The following EML3 variants were observed in gnomAD, a reference collection of about 807,000 sequenced individuals.
The protein encoded by EML3 is echinoderm microtubule-associated protein-like 3.
A neutral mutation model predicts 106.7 loss-of-function variants in EML3; 53 were observed. That is an observed-to-expected ratio of 0.50 (90% confidence interval 0.40 to 0.62). The LOEUF is 0.62. EML3 is among the 20% of genes least tolerant of loss of function. The pLI, the probability that EML3 is intolerant of heterozygous loss-of-function variation, is 0.00. For synonymous variants in EML3, 499 were observed against 489.6 expected (o/e 1.02, Z -0.25); for missense variants, 994 against 1,209.1 (o/e 0.82, Z 2.64).
chr11:62,602,722 C>T (rs771432484), intron 21 of EML3, 37 bp downstream of exon 21: 3 of 1,602,598 alleles, frequency 1.9e-6, no homozygotes, highest in Non-Finnish European at 2.6e-6. Flanking sequence ...AGCCCTCGGG[C>T]CCACCGGTCC....
chr11:62,607,547 A>T, intron 11 of EML3, 119 bp downstream of exon 11: 1 of 1,277,894 alleles, frequency 7.8e-7, no homozygotes, highest in Non-Finnish European at 1.1e-6. Flanking sequence ...CAAAAGAAAA[A>T]AAAAAAAAGG....
chr11:62,604,672 T>C, intron 16 of EML3: 1 of 206,078 alleles, frequency 4.9e-6, no homozygotes, highest in Non-Finnish European at 1.0e-5. Context: ...CCACCGCACC[T>C]GGCCACCACT....
rs2134385486 is a variant in EML3 at position 62,608,556 on chromosome 11, C to T, written c.1096G>A (p.Ala366Thr). The change falls in exon 9 of 22, where the codon GCC becomes ACC. Residue 366 changes from alanine (A) to threonine (T), a missense_variant. Around this residue, in one of 3 missense-constraint regions of EML3, gnomAD observed 713 missense variants for 920.5 expected, o/e 0.77. Transcript: ENST00000394773. Reference sequence around the variant, plus strand: ...GGCCAGCTCACCGCAGCTGAAAAGGCCAGGGCCCCAACACCCCGCTCGAAG... The same window carrying T: ...GGCCAGCTCACCGCAGCTGAAAAGGTCAGGGCCCCAACACCCCGCTCGAAG... ...GAFERGVGALAFSAADQGAFL... is the reference protein window; with the variant it reads ...GAFERGVGALTFSAADQGAFL... 6.2e-7 allele frequency: 1 copy of T among 1,613,882 alleles called. No homozygotes were observed. The highest frequency in any genetic ancestry group is 1.1e-5 in the South Asian group (1 of 91,078).
rs1053058670 is a variant in EML3 at position 62,607,045 on chromosome 11, T to C, written c.1417A>G (p.Ile473Val). ...PCFVFLPDGD[I>V]LTGDSEGNIL... is the part of the protein sequence containing the mutation. ...TTCCCCTCTGAGTCTCCAGTGAGAA[T>C]GTCTCCATCCGGAAGGAACACAAAG... Residue 473 changes from isoleucine (I) to valine (V), a missense_variant, in exon 12 of 22, where the codon ATT becomes GTT. By Grantham distance (29) the Ile-to-Val change is conservative. Transcript: ENST00000394773. 4.3e-6 allele frequency: 7 copies of C among 1,614,014 alleles called. No homozygotes were observed. Among genetic ancestry groups the C allele is most frequent in the Non-Finnish European group, 5.9e-6 (7 of 1,180,010 alleles).
At chr11:62,607,275 C>T in intron 11 of EML3, 176 bp from the exon 12 acceptor site, 1 of 664,754 alleles carries the variant, frequency 1.5e-6, no homozygotes, top group South Asian at 2.1e-5. Flanking sequence ...TGGTGAAATC[C>T]CGCACTGCAC....
At position 62,609,697 on chromosome 11, in the gene EML3, C is replaced by A; in HGVS notation, c.567-1G>T. ...GGAGAGGGGGTCTTTTCCCCCACGG[C>A]TGTTGGGAAGAGAGAAAGCACAGGG... On this transcript the variant is annotated splice_acceptor_variant, in intron 4 of 21. Coordinates refer to ENST00000394773, the MANE Select transcript of EML3 (RefSeq NM_153265.3). LOFTEE classifies it high-confidence loss of function. 1 of 1,597,060 alleles carries A rather than the reference C, an allele frequency of 6.3e-7. No individual in the cohort carries two copies. Among genetic ancestry groups the A allele is most frequent in the East Asian group, 2.3e-5 (1 of 44,202 alleles).
chr11:62,604,350 T>A (rs1942407244), intron 16 of EML3, 149 bp from the exon 17 acceptor site: 1 of 640,912 alleles, frequency 1.6e-6, no homozygotes. Context: ...AGAAGACAGG[T>A]CACAACTGCA....
Position 62,604,100 on chromosome 11 carries a change from G to T in EML3, c.2071+13C>A. 2 of 1,614,040 alleles carry T rather than the reference G, an allele frequency of 1.2e-6. No homozygotes were observed. The highest frequency in any genetic ancestry group is 1.7e-6 in the Non-Finnish European group (2 of 1,179,984). Reference sequence around the variant, plus strand: ...AGGGACGCATGTGAGTCCAGGGTTGGGGTGGCTCCCACCTGGGCTGTACCG... The same window carrying T: ...AGGGACGCATGTGAGTCCAGGGTTGTGGTGGCTCCCACCTGGGCTGTACCG... On this transcript the variant is annotated intron_variant, in intron 17 of 21. Transcript: ENST00000394773.
rs572675623 is a variant in EML3 at position 62,605,190 on chromosome 11, G to C, written c.1915-10C>G. ...CACAGAGACCAGTCTCCTGGGAGAG[G>C]GGAGAAGGTGAATTCAAGATGATGT... On this transcript the variant is annotated splice_polypyrimidine_tract_variant and intron_variant, in intron 15 of 21. Coordinates refer to ENST00000394773, the MANE Select transcript of EML3 (RefSeq NM_153265.3). The surrounding 1 kb of genome is among the most constrained non-coding windows in gnomAD (Gnocchi z 5.2). 2 of 1,611,410 alleles carry C rather than the reference G, an allele frequency of 1.2e-6. No individual in the cohort carries two copies. The highest frequency in any genetic ancestry group is 1.1e-5 in the South Asian group (1 of 90,832).
Position 62,602,682 on chromosome 11 carries a change from G to A in EML3, c.2488-4C>T, listed in dbSNP as rs775079067. On this transcript the variant is annotated splice_polypyrimidine_tract_variant and splice_region_variant and intron_variant, in intron 21 of 21. Coordinates refer to ENST00000394773, the MANE Select transcript of EML3 (RefSeq NM_153265.3). Reference sequence around the variant, plus strand: ...CCCCGTACATGCGGCTCGGCGCCTGGGCCGGAGGGAAGAGTTGCGGTGGCG... The same window carrying A: ...CCCCGTACATGCGGCTCGGCGCCTGAGCCGGAGGGAAGAGTTGCGGTGGCG... The A allele has an allele frequency of 3.1e-6, 5 of 1,598,284 alleles. No homozygotes were observed. In the South Asian group the frequency reaches 4.5e-5, roughly 14 times the overall value.
In EML3 at chr11:62,608,310, A is replaced by T; in HGVS notation, c.1111-14T>A. ...GGCACCCTGATCCTGAAGAAGGGTG[A>T]CACATAGGAGGTGCAGAGTGAACCC... On this transcript the variant is annotated splice_polypyrimidine_tract_variant and intron_variant, in intron 9 of 21. Coordinates refer to ENST00000394773, the MANE Select transcript of EML3 (RefSeq NM_153265.3). The T allele has an allele frequency of 6.2e-7, 1 of 1,609,846 alleles. No individual in the cohort carries two copies. The highest frequency in any genetic ancestry group is 1.3e-5 in the African/African-American group (1 of 74,966).
At position 62,611,865 on chromosome 11, in the gene EML3, G is replaced by A. The variant is rs1193067549; in HGVS notation, c.23-269C>T. 5 of 523,188 alleles carry A rather than the reference G, an allele frequency of 9.6e-6. No individual in the cohort carries two copies. The Admixed American group carries it at 1.1e-4, about 12-fold the overall frequency. The allele number at this position is 523,188 out of a possible 1,614,324, so 32.4% of individuals were successfully genotyped here. On this transcript the variant is annotated intron_variant, in intron 1 of 21. Transcript: ENST00000394773. ...TGGGAGTACCATGGAGTACCGGGGG[G>A]GAAATATGGAGTACTGCCGAGGAAC...
chr11:62,602,234 T>TTTA lies in EML3; in HGVS notation c.*238_*240dup. 6.5e-7 allele frequency: 1 copy of TTTA among 1,535,750 alleles called. No individual in the cohort carries two copies. The highest frequency in any genetic ancestry group is 8.8e-7 in the Non-Finnish European group (1 of 1,138,692). On this transcript the variant is annotated 3_prime_UTR_variant, in exon 22 of 22. Coordinates refer to ENST00000394773, the MANE Select transcript of EML3 (RefSeq NM_153265.3). ...CACCGGGAGGCGACTTTGGTTCTGG[T>TTTA]TTATTGCCCCTCAGCAGGCAGCGGG...
Position 62,609,355 on chromosome 11 carries a change from C to G in EML3, c.757G>C (p.Val253Leu). The change falls in exon 6 of 22, where the codon GTT becomes CTT. Residue 253 changes from valine to leucine, a missense_variant and splice_region_variant. Physicochemically the swap from Val to Leu is conservative, Grantham distance 32 (BLOSUM62 1). Around this residue, in one of 3 missense-constraint regions of EML3, gnomAD observed 713 missense variants for 920.5 expected, o/e 0.77. Transcript: ENST00000394773. ...PPPETLSLDW[V>L]YGYRGRDSRS... is the part of the protein sequence containing the mutation. ...ATGGGACTGGAAGGGGCAGGATACA[C>G]CCAGTCAAGGCTGAGGGTCTCTGGC... 4 of 1,570,236 alleles carry G rather than the reference C, an allele frequency of 2.5e-6. No individual in the cohort carries two copies. Among genetic ancestry groups the G allele is most frequent in the Non-Finnish European group, 3.5e-6 (4 of 1,158,138 alleles).
chr11:62,604,359 C>G (rs1323067041), intron 16 of EML3, among the ~76,000 whole-genome samples, 158 bp from the exon 17 acceptor site: 1 of 152,122 alleles, frequency 6.6e-6, no homozygotes, highest in Non-Finnish European at 1.5e-5. Flanking sequence ...GTCACAACTG[C>G]ATTCTTCTTT....
At chr11:62,603,343 G>A (rs907377359) in intron 19 of EML3, 96 bp from the exon 20 acceptor site, 19 of 1,181,396 alleles carry the variant, frequency 1.6e-5, no homozygotes, top group South Asian at 1.2e-4. Flanking sequence ...CATGAAACCC[G>A]GCGATGGCAT....
At position 62,607,693 on chromosome 11, in the gene EML3, G is replaced by C; in HGVS notation, c.1335C>G (p.Thr445=). The change falls in exon 11 of 22, where the codon ACC becomes ACG. Residue 445 remains threonine, a synonymous_variant. Coordinates refer to ENST00000394773, the MANE Select transcript of EML3 (RefSeq NM_153265.3). ...CAAAGACACCCTGTTTCCGGGTAAG[G>C]GTCCCATTCCCAGGAACCCCTACTC... ...SGGVGVPGNG[T]LTRKQGVFGK... 1 of 1,613,898 alleles carries C rather than the reference G, an allele frequency of 6.2e-7. No individual in the cohort carries two copies. The highest frequency in any genetic ancestry group is 1.3e-5 in the African/African-American group (1 of 74,968).
At position 62,605,052 on chromosome 11, in the gene EML3, T is replaced by C; in HGVS notation, c.1982+61A>G. On this transcript the variant is annotated intron_variant, in intron 16 of 21. Coordinates refer to ENST00000394773, the MANE Select transcript of EML3 (RefSeq NM_153265.3). The surrounding 1 kb of genome is among the most constrained non-coding windows in gnomAD (Gnocchi z 5.2). ...TGGTCACTCTCGCCCACTCCCCCAG[T>C]ACCAGGAACCCTTCCCAGTCCTCCC... The C allele has an allele frequency of 6.5e-7, 1 of 1,527,408 alleles. No individual in the cohort carries two copies. The highest frequency in any genetic ancestry group is 8.8e-7 in the Non-Finnish European group (1 of 1,130,448). The allele number at this position is 1,527,408 out of a possible 1,614,324, so 94.6% of individuals were successfully genotyped here.
chr11:62,602,924 C>A, intron 20 of EML3, 35 bp from the exon 21 acceptor site: 1 of 1,496,984 alleles, frequency 6.7e-7, no homozygotes. Context: ...CGACCTCCTA[C>A]CCACCGCCAC....
Sources: allele counts gnomAD v4.1 joint callset (sites outside exome capture counted in the v4.1 genomes callset), GRCh38; gene constraint gnomAD v4.1.1; regional missense constraint gnomAD v4.1.1; non-coding constraint Gnocchi (gnomAD v3.1); transcripts MANE v1.5; gene names NCBI Gene and HGNC (gene_info 2026-07-23, HGNC 2026-07-21).